SMIM14: variants seen among roughly 807,000 people sequenced by gnomAD.
The protein encoded by SMIM14 is small integral membrane protein 14.
In SMIM14, 5 loss-of-function variants were observed where a neutral mutation model predicts 12.6. That is an observed-to-expected ratio of 0.40 (90% confidence interval 0.21 to 0.83). The LOEUF (loss-of-function observed/expected upper bound fraction) is 0.83, where lower values mean the gene tolerates loss of function less well. SMIM14 is among the 40% of genes least tolerant of loss of function. The pLI is 0.37. For synonymous variants in SMIM14, 30 were observed against 40.1 expected, an observed-to-expected ratio of 0.75 and a Z score of 0.95; for missense variants, 86 against 119.1, an observed-to-expected ratio of 0.72 and a Z score of 1.29.
At chr4:39,587,579 A>C (rs1713850009) in intron 2 of SMIM14, among the ~76,000 whole-genome samples, 1 of 150,722 alleles carries the variant, frequency 6.6e-6, no homozygotes, top group South Asian at 2.1e-4. Flanking sequence ...AAAGCCAAAC[A>C]TGCTCTTCTA....
chr4:39,631,380 C>T (rs181151206), intron 1 of SMIM14, among the ~76,000 whole-genome samples: 1,528 of 150,564 alleles, frequency 0.01, 13 homozygotes, highest in Non-Finnish European at 0.018. Flanking sequence ...ATGTTGTGGC[C>T]GGGTGCAGTG....
chr4:39,624,377 T>C (rs1715611327), intron 1 of SMIM14, among the ~76,000 whole-genome samples: 1 of 152,188 alleles, frequency 6.6e-6, no homozygotes, highest in Non-Finnish European at 1.5e-5. Flanking sequence ...ATCTAGTATA[T>C]GACAGATCTT....
intron 1 of SMIM14, among the ~76,000 whole-genome samples, chr4:39,625,727 A>G (rs1233918631): frequency 6.6e-6 from 1 of 152,242 alleles, no homozygotes; most frequent in Admixed American, 6.5e-5. Flanking sequence ...CACTGCACCC[A>G]GCCAATCCCT....
chr4:39,612,567 TG>T (rs201747668), intron 1 of SMIM14, among the ~76,000 whole-genome samples: 2,418 of 152,328 alleles, frequency 0.016, 40 homozygotes, highest in Non-Finnish European at 0.021. Context: ...AATACTGTGT[TG>T]GTTAAAATGA....
At chr4:39,580,911 A>T (rs961298985) in intron 2 of SMIM14, among the ~76,000 whole-genome samples, 1 of 152,172 alleles carries the variant, frequency 6.6e-6, no homozygotes, top group African/African-American at 2.4e-5. Flanking sequence ...ATGAGGATTA[A>T]GTGATATAAT....
rs1257303815 is a variant in SMIM14, at chr4:39,579,971, T to C, written c.76-7508A>G. ...ATGAGGAAACTTAGGCTGGGGAAAT[T>C]CTTCGAAAAAAAATTACAAAGAACA... is the stretch of plus-strand genomic sequence containing the variant. On this transcript the variant is annotated intron_variant, in intron 2 of 4. Coordinates refer to ENST00000295958, the MANE Select transcript of SMIM14 (RefSeq NM_174921.3). Among the ~76,000 whole-genome samples the C allele has an allele frequency of 3.3e-5, 5 of 151,710 alleles. No individual in the cohort carries two copies. The Admixed American group carries it at 3.3e-4, about 10-fold the overall frequency.
At chr4:39,608,041 GAACCCTCATAC>G (rs1560302571) in intron 1 of SMIM14, among the ~76,000 whole-genome samples, 1 of 152,150 alleles carries the variant, frequency 6.6e-6, no homozygotes, top group Non-Finnish European at 1.5e-5. Context: ...AGAAAAACTA[GAACCCTCATAC>G]AACCCTCATG....
chr4:39,588,437 A>C (rs1028633522), intron 2 of SMIM14, among the ~76,000 whole-genome samples: 3 of 152,188 alleles, frequency 2.0e-5, no homozygotes, highest in African/African-American at 7.2e-5. Flanking sequence ...AAAATTGGTA[A>C]GACCAATTGT....
At chr4:39,588,821 ATAAT>A (rs1193736081) in intron 2 of SMIM14, among the ~76,000 whole-genome samples, 2 of 151,688 alleles carry the variant, frequency 1.3e-5, no homozygotes, top group Non-Finnish European at 2.9e-5. Flanking sequence ...ATTTATATAA[ATAAT>A]TAAATATTTT....
At chr4:39,632,478 CAAAAAA>C (rs71192888) in intron 1 of SMIM14, among the ~76,000 whole-genome samples, 1 of 88,724 alleles carries the variant, frequency 1.1e-5, no homozygotes, top group Admixed American at 1.3e-4. Context: ...GACTCCGTCT[CAAAAAA>C]AAAAAAAAAA....
At chr4:39,625,067 A>C (rs1715642092) in intron 1 of SMIM14, among the ~76,000 whole-genome samples, 1 of 150,538 alleles carries the variant, frequency 6.6e-6, no homozygotes, top group Non-Finnish European at 1.5e-5. Context: ...AAAAGACAAA[A>C]GTTAGCTGGG....
intron 1 of SMIM14, among the ~76,000 whole-genome samples, chr4:39,623,719 G>A (rs537532602): frequency 8.6e-5 from 13 of 152,040 alleles, no homozygotes; most frequent in African/African-American, 7.2e-5. Flanking sequence ...AAAATTAGCC[G>A]GGTGTGGTGG....
chr4:39,588,178 T>A (rs909251061), intron 2 of SMIM14: 3 of 147,612 alleles, frequency 2.0e-5, no homozygotes, highest in Non-Finnish European at 4.5e-5. Context: ...GTCAGCTTAA[T>A]GAATGGTTGT....
chr4:39,635,239 T>C (rs1716047176), intron 1 of SMIM14, among the ~76,000 whole-genome samples: 1 of 152,110 alleles, frequency 6.6e-6, no homozygotes, highest in Non-Finnish European at 1.5e-5. Context: ...GGGATTAGAA[T>C]ACAGGAAGAA....
chr4:39,594,872 T>C (rs1475381971), intron 2 of SMIM14, among the ~76,000 whole-genome samples: 1 of 151,704 alleles, frequency 6.6e-6, no homozygotes. Context: ...TCACACCAGT[T>C]AGAATGGCGA....
chr4:39,554,749 A>G (rs1173430970), intron 4 of SMIM14, among the ~76,000 whole-genome samples: 2 of 146,036 alleles, frequency 1.4e-5, no homozygotes, highest in African/African-American at 2.5e-5. Flanking sequence ...AAAATTGTAT[A>G]TATTTGTCAT....
At chr4:39,615,525 T>C (rs879540534) in intron 1 of SMIM14, among the ~76,000 whole-genome samples, 3 of 152,136 alleles carry the variant, frequency 2.0e-5, no homozygotes, top group African/African-American at 4.8e-5. Flanking sequence ...CTATGGACTT[T>C]AGGTAACAAT....
chr4:39,600,628 T>A (rs1371585713), intron 2 of SMIM14, among the ~76,000 whole-genome samples: 1 of 152,064 alleles, frequency 6.6e-6, no homozygotes, highest in Non-Finnish European at 1.5e-5. Context: ...AGGTGGAGGT[T>A]GCAGTGAGCC....
At chr4:39,564,665 T>C (rs1712484461) in intron 3 of SMIM14, among the ~76,000 whole-genome samples, 3 of 152,200 alleles carry the variant, frequency 2.0e-5, no homozygotes, top group Admixed American at 2.0e-4. Flanking sequence ...TCTCTTTTGT[T>C]TAAAGGATTC....
Sources: allele counts gnomAD v4.1 joint callset (sites outside exome capture counted in the v4.1 genomes callset), GRCh38; gene constraint gnomAD v4.1.1; transcripts MANE v1.5; gene names NCBI Gene and HGNC (gene_info 2026-07-23, HGNC 2026-07-21).